The following MCTP2 variants were observed in gnomAD, a reference collection of about 807,000 sequenced individuals.
MCTP2 encodes multiple C2 and transmembrane domain-containing protein 2.
Under a neutral mutation model 111.6 loss-of-function variants are expected in MCTP2, and 132 were observed. The observed-to-expected ratio is 1.18, with a 90% CI of 1.03 to 1.37. The LOEUF (loss-of-function observed/expected upper bound fraction) is 1.37. Among genes scored for constraint, MCTP2 ranks in the 40% most tolerant of loss-of-function variants. The pLI is 0.00. For missense variants in MCTP2, 1,183 were observed against 1,067.9 expected, an observed-to-expected ratio of 1.11 and a Z score of -1.50; for synonymous variants, 395 against 387.7, an observed-to-expected ratio of 1.02 and a Z score of -0.22.
intron 17 of MCTP2, among the ~76,000 whole-genome samples, chr15:94,424,891 C>T (rs952141763): frequency 3.3e-5 from 5 of 151,936 alleles, no homozygotes; most frequent in Non-Finnish European, 7.4e-5. Flanking sequence ...TTCTTCTCCC[C>T]CTACATTTTT....
chr15:94,401,604 A>G (rs1484784647), intron 16 of MCTP2, among the ~76,000 whole-genome samples: 2 of 152,112 alleles, frequency 1.3e-5, no homozygotes, highest in Non-Finnish European at 2.9e-5. Context: ...CAAATTCACC[A>G]ACATTAAATA....
At chr15:94,311,322 C>T (rs947504637) in intron 2 of MCTP2, among the ~76,000 whole-genome samples, 2 of 152,138 alleles carry the variant, frequency 1.3e-5, no homozygotes, top group African/African-American at 4.8e-5. Context: ...CCACTACACT[C>T]AGCCTAGGAA....
intron 10 of MCTP2, among the ~76,000 whole-genome samples, chr15:94,367,333 A>G (rs576574163): frequency 2.0e-5 from 3 of 152,142 alleles, no homozygotes; most frequent in Admixed American, 6.5e-5. Context: ...TGCAGACCTT[A>G]TTTGGCAAGG....
intron 4 of MCTP2, among the ~76,000 whole-genome samples, chr15:94,328,743 G>T (rs1056328330): frequency 6.6e-6 from 1 of 152,148 alleles, no homozygotes; most frequent in Non-Finnish European, 1.5e-5. Flanking sequence ...CCATGTGTTC[G>T]TGAATTCTGG....
intron 4 of MCTP2, among the ~76,000 whole-genome samples, chr15:94,336,987 C>T (rs1370313785): frequency 1.3e-5 from 2 of 152,034 alleles, no homozygotes; most frequent in East Asian, 1.9e-4. Context: ...TCTGAAGCTC[C>T]CAGTGAACAA....
chr15:94,358,505 G>T lies in MCTP2; in HGVS notation c.1194G>T (p.Pro398=), dbSNP rs78373056. 3 of 1,613,306 alleles carry T rather than the reference G, an allele frequency of 1.9e-6. No homozygotes were observed. Among genetic ancestry groups the T allele is most frequent in the African/African-American group, 2.7e-5 (2 of 74,882 alleles). The change falls in exon 10 of 23, where the codon CCG becomes CCT. Residue 398 remains proline, a synonymous_variant. Transcript: ENST00000357742. ...AGACACTGTGTAAGAGTGCAAATCCGCAGTGGCAGGAACAGTTTGACTTTC... is the reference window on the plus strand; with the variant it reads ...AGACACTGTGTAAGAGTGCAAATCCTCAGTGGCAGGAACAGTTTGACTTTC... ...KSKTLCKSAN[P]QWQEQFDFHY...
chr15:94,350,398 G>A (rs569095064), intron 8 of MCTP2, among the ~76,000 whole-genome samples: 21 of 152,234 alleles, frequency 1.4e-4, no homozygotes, highest in South Asian at 8.3e-4. Flanking sequence ...GACCAGCCTC[G>A]CCAACATGGT....
At chr15:94,407,583 T>C (rs533602868) in intron 17 of MCTP2, among the ~76,000 whole-genome samples, 24 of 152,174 alleles carry the variant, frequency 1.6e-4, no homozygotes, top group Non-Finnish European at 3.2e-4. Flanking sequence ...AAAGCATCAA[T>C]CAACCTCTCC....
At chr15:94,371,858 G>T (rs1262904717) in intron 12 of MCTP2, among the ~76,000 whole-genome samples, 1 of 152,154 alleles carries the variant, frequency 6.6e-6, no homozygotes, top group Non-Finnish European at 1.5e-5. Flanking sequence ...CTGGCTAAGG[G>T]AAACGCTTTT....
intron 20 of MCTP2, among the ~76,000 whole-genome samples, chr15:94,460,916 T>TAACTC (rs1177780609): frequency 6.6e-6 from 1 of 152,140 alleles, no homozygotes; most frequent in Non-Finnish European, 1.5e-5. Flanking sequence ...AATTCCATTG[T>TAACTC]AACTCAGTGC....
chr15:94,284,357 C>T (rs187828436), intron 1 of MCTP2, among the ~76,000 whole-genome samples: 2 of 152,312 alleles, frequency 1.3e-5, no homozygotes, highest in East Asian at 3.9e-4. Flanking sequence ...ACGTGTACAT[C>T]AGAAGACAAG....
intron 1 of MCTP2, among the ~76,000 whole-genome samples, chr15:94,257,566 G>GTTGTT (rs2072870520): frequency 1.4e-5 from 1 of 73,006 alleles, no homozygotes; most frequent in Non-Finnish European, 2.7e-5. Context: ...CATTTTCTTT[G>GTTGTT]TTGTTTTTTT....
At chr15:94,436,878 C>T (rs978514546) in intron 17 of MCTP2, among the ~76,000 whole-genome samples, 2 of 151,006 alleles carry the variant, frequency 1.3e-5, no homozygotes, top group South Asian at 2.1e-4. Flanking sequence ...CCCCAAAAAA[C>T]GTAACAATAG....
At chr15:94,338,651 T>G (rs1179507552) in intron 4 of MCTP2, among the ~76,000 whole-genome samples, 2 of 152,160 alleles carry the variant, frequency 1.3e-5, no homozygotes, top group African/African-American at 4.8e-5. Flanking sequence ...GGGTCAGCGG[T>G]GTCAGCACTG....
intron 17 of MCTP2, among the ~76,000 whole-genome samples, chr15:94,418,398 C>T (rs2082471840): frequency 1.3e-5 from 2 of 152,070 alleles, no homozygotes; most frequent in African/African-American, 4.8e-5. Flanking sequence ...TTTCTCCCTT[C>T]CTTTAATCAG....
chr15:94,231,390 C>T (rs1167087068), upstream of MCTP2: 1 of 152,406 alleles, frequency 6.6e-6, no homozygotes, highest in African/African-American at 2.4e-5. Context: ...AGCATAGCGC[C>T]TCCTTGCAAC....
At chr15:94,265,202 G>T (rs1478843851) in intron 1 of MCTP2, among the ~76,000 whole-genome samples, 1 of 152,186 alleles carries the variant, frequency 6.6e-6, no homozygotes, top group African/African-American at 2.4e-5. Flanking sequence ...TGATGGGATT[G>T]CCAGGACACT....
Position 94,458,200 on chromosome 15 carries a change from C to T in MCTP2, c.2314C>T (p.Gln772Ter). 1 of 1,612,060 alleles carries T rather than the reference C, an allele frequency of 6.2e-7. No homozygotes were observed. The highest frequency in any genetic ancestry group is 1.1e-5 in the South Asian group (1 of 90,986). Residue 772 changes from glutamine (Q) to a stop codon, truncating the protein, a stop_gained, in exon 20 of 23, where the codon CAA (glutamine) becomes TAA (stop). Transcript: ENST00000357742. LOFTEE classifies it high-confidence loss of function. Reference sequence around the variant, plus strand: ...GGTACAGGATATTGTTTCAACTGTTCAAAACGTCTTGGAGGAAATAGCTTC... The same window carrying T: ...GGTACAGGATATTGTTTCAACTGTTTAAAACGTCTTGGAGGAAATAGCTTC... ...YMVQDIVSTV[Q>*]NVLEEIASFG...
At chr15:94,347,104 A>G (rs1360060493) in intron 8 of MCTP2, among the ~76,000 whole-genome samples, 2 of 152,144 alleles carry the variant, frequency 1.3e-5, no homozygotes, top group African/African-American at 4.8e-5. Flanking sequence ...GGGAAATTTC[A>G]ATTATGTTGA....
Sources: allele counts gnomAD v4.1 joint callset (sites outside exome capture counted in the v4.1 genomes callset), GRCh38; gene constraint gnomAD v4.1.1; transcripts MANE v1.5; gene names NCBI Gene and HGNC (gene_info 2026-07-23, HGNC 2026-07-21).